Variants in TNRC6B observed in about 807,000 individuals in gnomAD.
The protein encoded by TNRC6B is trinucleotide repeat containing adaptor 6B.
TNRC6B carries 52 observed loss-of-function variants against 203.6 expected under a neutral mutation model. The observed-to-expected ratio is 0.26, with a 90% CI of 0.20 to 0.32. The LOEUF is 0.32. Among genes scored for constraint, TNRC6B ranks in the 10% least tolerant of loss-of-function variants. TNRC6B has a pLI of 1.00. For synonymous variants in TNRC6B, 838 were observed against 845.7 expected (o/e 0.99, Z 0.16); for missense variants, 1,923 against 2,286.2 (o/e 0.84, Z 3.24).
chr22:40,080,105 T>C (rs1233355421), intron 1 of TNRC6B, among the ~76,000 whole-genome samples: 7 of 148,834 alleles, frequency 4.7e-5, no homozygotes, highest in Admixed American at 4.7e-4. Flanking sequence ...TTTTTTTTTT[T>C]TTTTTTTTGT....
intron 3 of TNRC6B, among the ~76,000 whole-genome samples, chr22:40,151,620 T>C (rs1043645850): frequency 1.3e-5 from 2 of 148,476 alleles, no homozygotes; most frequent in Admixed American, 6.7e-5. Flanking sequence ...GATATTGTTA[T>C]AATGGAACAA....
chr22:40,179,712 A>C (rs1246291948), intron 1 of TNRC6B, among the ~76,000 whole-genome samples: 1 of 152,342 alleles, frequency 6.6e-6, no homozygotes, highest in East Asian at 1.9e-4. Flanking sequence ...AAAATGCTGG[A>C]CCATTTTGAA....
chr22:40,303,676 C>T (rs759524368), intron 15 of TNRC6B, among the ~76,000 whole-genome samples: 65 of 152,068 alleles, frequency 4.3e-4, no homozygotes, highest in Non-Finnish European at 8.2e-4. Context: ...CTTTGGGAGG[C>T]GGAGGAGGGC....
At chr22:40,291,979 G>A (rs1460554004) in intron 12 of TNRC6B, among the ~76,000 whole-genome samples, 3 of 152,368 alleles carry the variant, frequency 2.0e-5, no homozygotes, top group Admixed American at 2.0e-4. Flanking sequence ...GATCACCTGA[G>A]ATCAGGAGTT....
intron 1 of TNRC6B, among the ~76,000 whole-genome samples, chr22:40,244,831 T>C (rs1425949631): frequency 1.3e-5 from 2 of 152,188 alleles, no homozygotes; most frequent in Non-Finnish European, 2.9e-5. Context: ...CTGCAGTTGG[T>C]TGAGTGTATG....
intron 3 of TNRC6B, among the ~76,000 whole-genome samples, chr22:40,127,371 C>T (rs1260282108): frequency 6.6e-6 from 1 of 152,080 alleles, no homozygotes; most frequent in African/African-American, 2.4e-5. Context: ...AAAGCAGAAG[C>T]ATATAGGTTT....
At chr22:40,226,537 G>GT (rs1186947867) in intron 1 of TNRC6B, among the ~76,000 whole-genome samples, 2 of 152,146 alleles carry the variant, frequency 1.3e-5, no homozygotes, top group African/African-American at 2.4e-5. Flanking sequence ...AAAATTCTTG[G>GT]TTTTTTCTTA....
chr22:40,316,222 C>T (rs545035609), intron 21 of TNRC6B, among the ~76,000 whole-genome samples: 15 of 152,068 alleles, frequency 9.9e-5, no homozygotes, highest in African/African-American at 3.1e-4. Flanking sequence ...AGCATGGTGG[C>T]GGGCGCCTGT....
intron 7 of TNRC6B, among the ~76,000 whole-genome samples, chr22:40,274,615 T>A (rs2070612670): frequency 6.6e-6 from 1 of 152,036 alleles, no homozygotes; most frequent in African/African-American, 2.4e-5. Context: ...AGAGATGGGG[T>A]TTCACCATGT....
chr22:40,124,479 C>T (rs1013628170), intron 2 of TNRC6B, among the ~76,000 whole-genome samples: 4 of 152,016 alleles, frequency 2.6e-5, no homozygotes, highest in African/African-American at 4.8e-5. Flanking sequence ...TGTGTCACCA[C>T]GCCTGGCTAA....
intron 1 of TNRC6B, among the ~76,000 whole-genome samples, chr22:40,112,929 G>A (rs546651367): frequency 6.6e-6 from 1 of 152,222 alleles, no homozygotes; most frequent in Admixed American, 6.5e-5. Flanking sequence ...GACAAGCCTG[G>A]TCAACATGGT....
In TNRC6B at chr22:40,292,633, A is replaced by C. The variant is rs112032938; in HGVS notation, c.3708+6863A>C. On this transcript the variant is annotated intron_variant, in intron 12 of 22. Transcript: ENST00000454349. ...CAGAATAATTAACTCCCTGAAATGG[A>C]GAATGTGCAGACCTGCACCACCGTG... 5.1e-4 allele frequency among the ~76,000 whole-genome samples: 78 copies of C among 152,336 alleles called. 1 individual carries two copies. Among genetic ancestry groups the C allele is most frequent in the South Asian group, 3.5e-3 (17 of 4,828 alleles).
Position 40,125,863 on chromosome 22 carries a change from G to T in TNRC6B, c.45+1G>T. 3 of 1,611,678 alleles carry T rather than the reference G, an allele frequency of 1.9e-6. No homozygotes were observed. Among genetic ancestry groups the T allele is most frequent in the Non-Finnish European group, 2.5e-6 (3 of 1,179,382 alleles). On this transcript the variant is annotated splice_donor_variant, in intron 3 of 23. Coordinates refer to the TNRC6B transcript ENST00000301923. LOFTEE classifies it high-confidence loss of function. ...AGTATCGGAAGAAAGCAGTTCCAAG[G>T]TCAGTAAATTACTGAAAGGTACAGT...
At chr22:40,244,492 A>G (rs541402055) in intron 1 of TNRC6B, among the ~76,000 whole-genome samples, 1 of 151,758 alleles carries the variant, frequency 6.6e-6, no homozygotes, top group African/African-American at 2.4e-5. Context: ...TAAATAAGAC[A>G]TTATGTATTC....
intron 1 of TNRC6B, among the ~76,000 whole-genome samples, chr22:40,063,715 G>A (rs1001002017): frequency 7.2e-6 from 1 of 139,240 alleles, no homozygotes; most frequent in Admixed American, 7.2e-5. Context: ...TTTCGTTTTT[G>A]TTTTTGAGAC....
chr22:40,068,274 A>G (rs1422194453), intron 1 of TNRC6B, among the ~76,000 whole-genome samples: 4 of 152,284 alleles, frequency 2.6e-5, no homozygotes, highest in Admixed American at 6.5e-5. Flanking sequence ...TGAACCTTAT[A>G]GTAGATAGAG....
chr22:40,310,854 A>C lies in TNRC6B; in HGVS notation c.4296A>C (p.Ser1432=). Residue 1432 remains serine (S), a synonymous_variant, in exon 17 of 23, where the codon TCA becomes TCC. Transcript: ENST00000454349. ...IVAPGKTRGG[S]PYNQFDIIPG... ...CCCCTGGTAAAACCCGGGGAGGGTCACCGTACAACCAGTTTGATATCATCC... is the reference window on the plus strand; with the variant it reads ...CCCCTGGTAAAACCCGGGGAGGGTCCCCGTACAACCAGTTTGATATCATCC... 6.2e-7 allele frequency: 1 copy of C among 1,612,830 alleles called. No homozygotes were observed. Among genetic ancestry groups the C allele is most frequent in the Non-Finnish European group, 8.5e-7 (1 of 1,179,458 alleles).
At chr22:40,060,359 A>G (rs1041169256) in intron 1 of TNRC6B, among the ~76,000 whole-genome samples, 2 of 152,038 alleles carry the variant, frequency 1.3e-5, no homozygotes, top group Non-Finnish European at 2.9e-5. Flanking sequence ...TTATAAATTT[A>G]TTAGCGACAG....
intron 4 of TNRC6B, among the ~76,000 whole-genome samples, chr22:40,263,328 A>G (rs2070416209): frequency 1.3e-5 from 2 of 152,188 alleles, no homozygotes; most frequent in Admixed American, 6.5e-5. Flanking sequence ...ATGGAAAGAA[A>G]CCTCGTGGTG....
Sources: gnomAD v4.1 joint callset for allele counts (sites outside exome capture counted in the v4.1 genomes callset) on GRCh38, gnomAD v4.1.1 for gene constraint, MANE v1.5 for transcripts, NCBI Gene and HGNC (gene_info 2026-07-23, HGNC 2026-07-21) for gene names.